RBFOX1: variants seen among roughly 807,000 people sequenced by gnomAD.
RBFOX1 encodes RNA binding protein fox-1 homolog 1.
In RBFOX1, 8 loss-of-function variants were observed where a neutral mutation model predicts 57.7. That is an observed-to-expected ratio of 0.14 (90% CI 0.08 to 0.25). The LOEUF (loss-of-function observed/expected upper bound fraction) is 0.25. RBFOX1 is among the 10% of genes least tolerant of loss of function. The pLI, the probability that RBFOX1 is intolerant of heterozygous loss-of-function variation, is 1.00. For synonymous variants in RBFOX1, 326 were observed against 222.4 expected, an observed-to-expected ratio of 1.47 and a Z score of -4.15; for missense variants, 611 against 548.5, an observed-to-expected ratio of 1.11 and a Z score of -1.14.
At chr16:7,648,140 C>T (rs1292286527) in intron 11 of RBFOX1, among the ~76,000 whole-genome samples, 2 of 152,058 alleles carry the variant, frequency 1.3e-5, no homozygotes, top group East Asian at 3.9e-4. Flanking sequence ...TGTATTTTGC[C>T]CTTGAAATGG....
rs1277994993 is a variant in RBFOX1 at position 6,211,211 on chromosome 16, G to A, written c.-126-105784G>A. On this transcript the variant is annotated intron_variant, in intron 1 of 15. Coordinates refer to ENST00000550418, the MANE Select transcript of RBFOX1 (RefSeq NM_018723.4). The stretch of plus-strand genomic sequence containing the variant: ...TTCTTTTTTTTTTTTTTTGGTTAGT[G>A]CCTGAAATCTAGTTAACTTTTTTTT... Among the ~76,000 whole-genome samples the A allele has an allele frequency of 7.5e-5, 7 of 93,210 alleles. No individual in the cohort carries two copies. The East Asian group carries it at 1.6e-3, about 22-fold the overall frequency. The allele number at this position is 93,210 out of a possible 152,430, so 61.1% of individuals were successfully genotyped here.
At chr16:6,949,524 G>T (rs577172960) in intron 3 of RBFOX1, among the ~76,000 whole-genome samples, 50 of 152,218 alleles carry the variant, frequency 3.3e-4, no homozygotes, top group African/African-American at 1.1e-3. Flanking sequence ...GTTTCTTCTT[G>T]GGCCTCTCTC....
intron 4 of RBFOX1, among the ~76,000 whole-genome samples, chr16:7,511,168 G>A (rs2074984865): frequency 6.6e-6 from 1 of 152,170 alleles, no homozygotes; most frequent in South Asian, 2.1e-4. Context: ...ACATGGAAAA[G>A]AATAGACCCA....
intron 2 of RBFOX1, among the ~76,000 whole-genome samples, chr16:5,500,513 T>G (rs1003197281): frequency 6.6e-6 from 1 of 152,174 alleles, no homozygotes; most frequent in Non-Finnish European, 1.5e-5. Flanking sequence ...TGAGCCATCA[T>G]GCCTGGCCGA....
At chr16:5,981,922 C>T (rs1001898521) in intron 4 of RBFOX1, among the ~76,000 whole-genome samples, 6 of 152,192 alleles carry the variant, frequency 3.9e-5, no homozygotes, top group Non-Finnish European at 5.9e-5. Flanking sequence ...CCATAGTGCA[C>T]CCCCTCACCA....
chr16:5,370,127 T>C (rs2065820175), intron 1 of RBFOX1, among the ~76,000 whole-genome samples: 1 of 152,132 alleles, frequency 6.6e-6, no homozygotes, highest in Admixed American at 6.5e-5. Flanking sequence ...CCTGCTCTTG[T>C]GCATGTTCAG....
At chr16:6,948,020 C>G (rs1003921004) in intron 3 of RBFOX1, among the ~76,000 whole-genome samples, 3 of 152,154 alleles carry the variant, frequency 2.0e-5, no homozygotes, top group East Asian at 1.9e-4. Context: ...CTAAAGCAGT[C>G]CAGCTGCCTT....
At chr16:7,209,961 C>G (rs955518491) in intron 4 of RBFOX1, among the ~76,000 whole-genome samples, 1 of 152,138 alleles carries the variant, frequency 6.6e-6, no homozygotes, top group African/African-American at 2.4e-5. Flanking sequence ...AGCTTTTAAG[C>G]CCCATTGATT....
chr16:5,908,332 ATGTGTG>A (rs879393323), intron 4 of RBFOX1, among the ~76,000 whole-genome samples: 3 of 137,498 alleles, frequency 2.2e-5, no homozygotes, highest in East Asian at 2.4e-4. Context: ...ACATATATAT[ATGTGTG>A]TGTGTGTGTG....
At chr16:6,125,335 C>G (rs1451817317) in intron 1 of RBFOX1, among the ~76,000 whole-genome samples, 1 of 152,072 alleles carries the variant, frequency 6.6e-6, no homozygotes, top group African/African-American at 2.4e-5. Flanking sequence ...CTTAAGAGGG[C>G]CTTTTTCTCC....
chr16:6,275,653 A>C (rs951689655), intron 1 of RBFOX1, among the ~76,000 whole-genome samples: 1 of 152,216 alleles, frequency 6.6e-6, no homozygotes, highest in Non-Finnish European at 1.5e-5. Context: ...ATAGTACTAC[A>C]TTATTTGATA....
chr16:7,313,890 C>A (rs1365169109), intron 4 of RBFOX1, among the ~76,000 whole-genome samples: 1 of 152,146 alleles, frequency 6.6e-6, no homozygotes, highest in African/African-American at 2.4e-5. Context: ...GTGGCTGGTT[C>A]TGTATGATTT....
intron 1 of RBFOX1, among the ~76,000 whole-genome samples, chr16:6,194,025 C>G (rs2097164198): frequency 6.6e-6 from 1 of 152,194 alleles, no homozygotes; most frequent in Non-Finnish European, 1.5e-5. Context: ...AGCCTAGAAT[C>G]TCATTCCTGT....
intron 2 of RBFOX1, among the ~76,000 whole-genome samples, chr16:6,523,827 T>A (rs927407278): frequency 6.6e-6 from 1 of 152,152 alleles, no homozygotes; most frequent in South Asian, 2.1e-4. Context: ...TAAGATTTTC[T>A]TTGAAAAAAA....
intron 4 of RBFOX1, chr16:7,304,170 G>A (rs1330470793): frequency 2.0e-6 from 2 of 975,708 alleles, no homozygotes; most frequent in Non-Finnish European, 2.4e-6. Context: ...GGGTGCGGTG[G>A]GGGGAGGGAG....
intron 2 of RBFOX1, among the ~76,000 whole-genome samples, chr16:5,496,672 TTGGGA>T (rs1162066365): frequency 6.6e-6 from 1 of 152,118 alleles, no homozygotes; most frequent in Non-Finnish European, 1.5e-5. Flanking sequence ...GGAGACGTGT[TTGGGA>T]TGGGATGGGG....
intron 2 of RBFOX1, among the ~76,000 whole-genome samples, chr16:6,457,440 C>CCCG (rs1555484725): frequency 3.1e-5 from 2 of 64,050 alleles, no homozygotes; most frequent in African/African-American, 1.3e-4. Flanking sequence ...TCCGGAAGTC[C>CCCG]CCCCCCCCGC....
intron 4 of RBFOX1, among the ~76,000 whole-genome samples, chr16:5,910,322 C>A (rs943609060): frequency 6.6e-6 from 1 of 152,116 alleles, no homozygotes; most frequent in Non-Finnish European, 1.5e-5. Flanking sequence ...CGTTCCCTGC[C>A]TCCATAGCAC....
chr16:7,270,967 AT>A (rs1401839893), intron 4 of RBFOX1, among the ~76,000 whole-genome samples: 25 of 152,246 alleles, frequency 1.6e-4, no homozygotes, highest in Non-Finnish European at 7.4e-5. Flanking sequence ...GTGCTGAGTC[AT>A]TTGGAAGACA....
Sources: gnomAD v4.1 joint callset for allele counts (sites outside exome capture counted in the v4.1 genomes callset) on GRCh38, gnomAD v4.1.1 for gene constraint, MANE v1.5 for transcripts, NCBI Gene and HGNC (gene_info 2026-07-23, HGNC 2026-07-21) for gene names.